SPATA2: variants seen among roughly 807,000 people sequenced by gnomAD.
SPATA2 encodes spermatogenesis-associated protein 2.
SPATA2 carries 8 observed loss-of-function variants against 35.4 expected under a neutral mutation model. The observed-to-expected ratio is 0.23, with a 90% CI of 0.13 to 0.41. SPATA2 has a LOEUF of 0.41. Ranked by LOEUF, SPATA2 falls within the 10% of genes least tolerant of loss-of-function variation. The probability of loss-of-function intolerance (pLI) is 1.00; values close to 1 mark genes in which losing one functional copy is unlikely to be tolerated. For synonymous variants in SPATA2, 293 were observed against 300.9 expected, an observed-to-expected ratio of 0.97 and a Z score of 0.27; for missense variants, 650 against 698.7, an observed-to-expected ratio of 0.93 and a Z score of 0.79.
Position 49,908,270 on chromosome 20 carries a change from A to T in SPATA2, c.221T>A (p.Leu74Ter). 1.2e-6 allele frequency: 2 copies of T among 1,614,174 alleles called. No homozygotes were observed. Among genetic ancestry groups the T allele is most frequent in the Non-Finnish European group, 1.7e-6 (2 of 1,180,000 alleles). Residue 74 changes from leucine (L) to a stop codon, truncating the protein, a stop_gained, in exon 2 of 3, where the codon TTG becomes TAG. Transcript: ENST00000289431. LOFTEE classifies it high-confidence loss of function. ...IQFYEVVESS[L>*]RSLSSSSLRA... ...CAGGCTAGAGGAGCTGAGCGAGCGC[A>T]AGGAGCTCTCCACCACCTCATAGAA...
rs1257016465 is a variant in SPATA2, at chr20:49,903,916, T to C, written c.*1703A>G. The stretch of plus-strand genomic sequence containing the variant: ...TCTACCAGATAGATATATATATATA[T>C]ATATATATATATATATATATATATA... On this transcript the variant is annotated 3_prime_UTR_variant, in exon 3 of 3. Transcript: ENST00000289431. The C allele has an allele frequency of 1.4e-3, 45 of 33,100 alleles. 2 individuals are homozygous for C. The highest frequency in any genetic ancestry group is 3.7e-3 in the African/African-American group (43 of 11,778). The allele number at this position is 33,100 out of a possible 1,614,324, so 2.1% of individuals were successfully genotyped here. A position where few individuals can be genotyped will look rare whatever the true frequency, so the allele number is the denominator to read the frequency against.
rs1210252816 is a variant in SPATA2 at position 49,906,341 on chromosome 20, T to C, written c.841A>G (p.Thr281Ala). ...SLSLRKEPVA[T>A]DVGDDLKDEI... is the part of the protein sequence containing the mutation. ...TCCTTGAGGTCGTCCCCCACATCCG[T>C]TGCCACAGGCTCCTTCCGAAGACTC... Residue 281 changes from threonine (T) to alanine (A), a missense_variant, in exon 3 of 3, where the codon ACG becomes GCG. Transcript: ENST00000289431. The surrounding 1 kb of genome is among the most constrained non-coding windows in gnomAD (Gnocchi z 8.2). 3.7e-6 allele frequency: 6 copies of C among 1,611,198 alleles called. No homozygotes were observed. Among genetic ancestry groups the C allele is most frequent in the Non-Finnish European group, 5.1e-6 (6 of 1,178,228 alleles).
chr20:49,910,724 C>G (rs2090178155), intron 1 of SPATA2, among the ~76,000 whole-genome samples: 1 of 152,188 alleles, frequency 6.6e-6, no homozygotes, highest in South Asian at 2.1e-4. Context: ...ATCCTCATCT[C>G]AAAGAGCCAG....
intron 2 of SPATA2, among the ~76,000 whole-genome samples, chr20:49,907,306 G>A (rs2090152933): frequency 1.3e-5 from 2 of 152,120 alleles, no homozygotes; most frequent in Non-Finnish European, 1.5e-5. Flanking sequence ...TGATCCACCC[G>A]CCTCGGCCTC....
chr20:49,906,359 G>T lies in SPATA2; in HGVS notation c.823C>A (p.Arg275=). Residue 275 remains arginine, a synonymous_variant, in exon 3 of 3, where the codon CGG becomes AGG. Coordinates refer to ENST00000289431, the MANE Select transcript of SPATA2 (RefSeq NM_006038.4). The surrounding 1 kb of genome is among the most constrained non-coding windows in gnomAD (Gnocchi z 8.2). ...ACATCCGTTGCCACAGGCTCCTTCCGAAGACTCAATGAGGCCTTCAGGGGT... is the reference window on the plus strand; with the variant it reads ...ACATCCGTTGCCACAGGCTCCTTCCTAAGACTCAATGAGGCCTTCAGGGGT... The part of the protein sequence containing the change: ...KPPLKASLSL[R]KEPVATDVGD... 1 of 1,613,590 alleles carries T rather than the reference G, an allele frequency of 6.2e-7. No individual in the cohort carries two copies. Among genetic ancestry groups the T allele is most frequent in the Non-Finnish European group, 8.5e-7 (1 of 1,179,742 alleles).
rs2090121165 is a variant in SPATA2 at position 49,903,854 on chromosome 20, A to G, written c.*1765T>C. 1 of 148,024 alleles carries G rather than the reference A, an allele frequency of 6.8e-6. No homozygotes were observed. Among genetic ancestry groups the G allele is most frequent in the African/African-American group, 2.5e-5 (1 of 39,700 alleles). The allele number at this position is 148,024 out of a possible 1,614,324, so 9.2% of individuals were successfully genotyped here. A position where few individuals can be genotyped will look rare whatever the true frequency, so the allele number is the denominator to read the frequency against. On this transcript the variant is annotated 3_prime_UTR_variant, in exon 3 of 3. Coordinates refer to ENST00000289431, the MANE Select transcript of SPATA2 (RefSeq NM_006038.4). Reference sequence around the variant, plus strand: ...GGTCTTAGTAATAAAGTTGGTTGAAATTCAGCTTAATATACACACTGTACA... The same window carrying G: ...GGTCTTAGTAATAAAGTTGGTTGAAGTTCAGCTTAATATACACACTGTACA...
Position 49,905,153 on chromosome 20 carries a change from G to C in SPATA2, c.*466C>G, listed in dbSNP as rs1055988687. 5.6e-5 allele frequency: 9 copies of C among 160,494 alleles called. No individual in the cohort carries two copies. The highest frequency in any genetic ancestry group is 5.4e-4 in the Admixed American group (9 of 16,702). 9.9% of individuals were successfully genotyped at this position (160,494 alleles called of 1,614,324 possible). On this transcript the variant is annotated 3_prime_UTR_variant, in exon 3 of 3. Coordinates refer to ENST00000289431, the MANE Select transcript of SPATA2 (RefSeq NM_006038.4). ...CTTTGGGAGAGGCCCCGTGTGGCAGGAGGGCTCATTTCACAAGCCAACAGG... is the reference window on the plus strand; with the variant it reads ...CTTTGGGAGAGGCCCCGTGTGGCAGCAGGGCTCATTTCACAAGCCAACAGG...
At position 49,903,904 on chromosome 20, in the gene SPATA2, T is replaced by TAGATAGATAGATAG. The variant is rs879570309; in HGVS notation, c.*1714_*1715insCTATCTATCTATCT. ...ATCTACATGTGATCTACCAGATAGA[T>TAGATAGATAGATAG]ATATATATATATATATATATATATA... On this transcript the variant is annotated 3_prime_UTR_variant, in exon 3 of 3. Coordinates refer to ENST00000289431, the MANE Select transcript of SPATA2 (RefSeq NM_006038.4). The TAGATAGATAGATAG allele has an allele frequency of 2.7e-4, 3 of 11,312 alleles. No homozygotes were observed. The highest frequency in any genetic ancestry group is 9.8e-4 in the Admixed American group (1 of 1,018). 0.7% of individuals were successfully genotyped at this position (11,312 alleles called of 1,614,324 possible). A position where few individuals can be genotyped will look rare whatever the true frequency, so the allele number is the denominator to read the frequency against.
chr20:49,905,818 G>A lies in SPATA2; in HGVS notation c.1364C>T (p.Thr455Met), dbSNP rs144537249. The A allele has an allele frequency of 9.4e-5, 151 of 1,614,218 alleles. 1 individual carries two copies. In the African/African-American group the frequency reaches 1.1e-3, roughly 12 times the overall value. ...HLHSKSKPST[T>M]PTSRCGFCNR... is the part of the protein sequence containing the mutation. ...GCAGAAGCCACAGCGGGAAGTGGGC[G>A]TGGTGGAGGGCTTGGATTTGGAGTG... The change falls in exon 3 of 3, where the codon ACG (threonine) becomes ATG (methionine). Residue 455 changes from threonine to methionine, a missense_variant. Transcript: ENST00000289431.
At chr20:49,911,740 C>T (rs1317840489) in intron 1 of SPATA2, among the ~76,000 whole-genome samples, 4 of 152,018 alleles carry the variant, frequency 2.6e-5, no homozygotes, top group Admixed American at 6.5e-5. Flanking sequence ...TCTGCATTCA[C>T]GATGCCATCA....
intron 1 of SPATA2, among the ~76,000 whole-genome samples, chr20:49,908,938 G>A (rs185519195): frequency 1.8e-3 from 270 of 152,320 alleles, no homozygotes; most frequent in Admixed American, 4.7e-3. Flanking sequence ...AGGCCAAGAG[G>A]CCGGGGAAGG....
rs1360612425 is a variant in SPATA2 at position 49,905,995 on chromosome 20, T to C, written c.1187A>G (p.Gln396Arg). 1.2e-6 allele frequency: 2 copies of C among 1,607,132 alleles called. No individual in the cohort carries two copies. Among genetic ancestry groups the C allele is most frequent in the Non-Finnish European group, 1.7e-6 (2 of 1,179,750 alleles). The stretch of plus-strand genomic sequence containing the variant: ...ACAGGTGAGCAGGCTGTCACAGCGC[T>C]GGCAGAGGGAGGAGCTGCAGGACAG... ...CGLSCSSSLCQRCDSLLTCPP... is the reference protein window; with the variant it reads ...CGLSCSSSLCRRCDSLLTCPP... Residue 396 changes from glutamine (Q) to arginine (R), a missense_variant, in exon 3 of 3, where the codon CAG becomes CGG. Physicochemically the swap from Gln to Arg is conservative, Grantham distance 43 (BLOSUM62 1). Coordinates refer to ENST00000289431, the MANE Select transcript of SPATA2 (RefSeq NM_006038.4).
intron 1 of SPATA2, among the ~76,000 whole-genome samples, chr20:49,908,817 A>G (rs1206344784): frequency 6.6e-6 from 1 of 152,148 alleles, no homozygotes; most frequent in Non-Finnish European, 1.5e-5. Context: ...TTCCTGAAAG[A>G]GAAATTCGGG....
Position 49,904,532 on chromosome 20 carries a change from A to T in SPATA2, c.*1087T>A, listed in dbSNP as rs2090128696. 6.6e-6 allele frequency: 1 copy of T among 152,644 alleles called. No homozygotes were observed. The highest frequency in any genetic ancestry group is 1.5e-5 in the Non-Finnish European group (1 of 68,068). The allele number at this position is 152,644 out of a possible 1,614,324, so 9.5% of individuals were successfully genotyped here. ...CGACAGGTGAGGTCCCTGAATTGTC[A>T]TAGGTTAGCAGTCTGCAGACACACA... On this transcript the variant is annotated 3_prime_UTR_variant, in exon 3 of 3. Coordinates refer to ENST00000289431, the MANE Select transcript of SPATA2 (RefSeq NM_006038.4).
At position 49,915,501 on chromosome 20, in the gene SPATA2, T is replaced by G. The variant is rs1270409593; in HGVS notation, c.-224A>C. On this transcript the variant is annotated 5_prime_UTR_variant, in exon 1 of 3. Coordinates refer to ENST00000289431, the MANE Select transcript of SPATA2 (RefSeq NM_006038.4). Reference sequence around the variant, plus strand: ...CCGGCTGCAGGGGTACTGAGACCAGTACCCGGGGGCCAGCAGCGACCCGGA... The same window carrying G: ...CCGGCTGCAGGGGTACTGAGACCAGGACCCGGGGGCCAGCAGCGACCCGGA... 2.6e-5 allele frequency: 4 copies of G among 152,138 alleles called. No individual in the cohort carries two copies. Among genetic ancestry groups the G allele is most frequent in the African/African-American group, 9.7e-5 (4 of 41,400 alleles). The allele number at this position is 152,138 out of a possible 1,614,324, so 9.4% of individuals were successfully genotyped here.
intron 1 of SPATA2, among the ~76,000 whole-genome samples, chr20:49,911,012 C>T (rs1211418017): frequency 6.6e-6 from 1 of 152,108 alleles, no homozygotes; most frequent in Non-Finnish European, 1.5e-5. Flanking sequence ...GCCAGGAGTT[C>T]GAGACCAGCC....
Position 49,906,269 on chromosome 20 carries a change from G to A in SPATA2, c.913C>T (p.Pro305Ser), listed in dbSNP as rs575589912. Residue 305 changes from proline to serine, a missense_variant, in exon 3 of 3, where the codon CCC (proline) becomes TCC (serine). Coordinates refer to ENST00000289431, the MANE Select transcript of SPATA2 (RefSeq NM_006038.4). This position sits in a 1 kb window ranked among gnomAD's most constrained non-coding sequence, Gnocchi z 8.2. The part of the protein sequence containing the change: ...SPSLLTMASS[P>S]HGSPDVLPPA... ...GGAAGCACATCCGGGCTGCCGTGGG[G>A]GGAGCTGGCCATGGTCAGCAGCGAA... is the stretch of plus-strand genomic sequence containing the variant. 6.4e-7 allele frequency: 1 copy of A among 1,572,080 alleles called. No individual in the cohort carries two copies. Among genetic ancestry groups the A allele is most frequent in the South Asian group, 1.2e-5 (1 of 83,240 alleles).
Position 49,905,669 on chromosome 20 carries a change from T to C in SPATA2, c.1513A>G (p.Asn505Asp), listed in dbSNP as rs1173555227. Residue 505 changes from asparagine to aspartate, a missense_variant, in exon 3 of 3, where the codon AAC becomes GAC. Asn to Asp is a conservative substitution (Grantham distance 23). Coordinates refer to ENST00000289431, the MANE Select transcript of SPATA2 (RefSeq NM_006038.4). ...KSELHKFMPN[N>D]QLNYKSTQLS... ...TGGGTGGACTTGTAGTTCAGCTGGT[T>C]GTTGGGCATGAACTTGTGCAGCTCA... The C allele has an allele frequency of 1.9e-6, 3 of 1,614,110 alleles. No homozygotes were observed. The Admixed American group carries it at 5.0e-5, about 27-fold the overall frequency.
Position 49,906,917 on chromosome 20 carries a change from C to G in SPATA2, c.337-72G>C. The G allele has an allele frequency of 1.3e-6, 2 of 1,512,616 alleles. No individual in the cohort carries two copies. The highest frequency in any genetic ancestry group is 1.8e-6 in the Non-Finnish European group (2 of 1,122,460). The allele number at this position is 1,512,616 out of a possible 1,614,324, so 93.7% of individuals were successfully genotyped here. A position where few individuals can be genotyped will look rare whatever the true frequency, so the allele number is the denominator to read the frequency against. On this transcript the variant is annotated intron_variant, in intron 2 of 2. Coordinates refer to ENST00000289431, the MANE Select transcript of SPATA2 (RefSeq NM_006038.4). The surrounding 1 kb of genome is among the most constrained non-coding windows in gnomAD (Gnocchi z 8.2). ...ACACAAGACAGAGACTATGTCAAAG[C>G]AAAGGATGTCCAGCTCTGAAGTGGG...
Sources: gnomAD v4.1 joint callset for allele counts (sites outside exome capture counted in the v4.1 genomes callset) on GRCh38, gnomAD v4.1.1 for gene constraint, Gnocchi (gnomAD v3.1) non-coding constraint, MANE v1.5 for transcripts, NCBI Gene and HGNC (gene_info 2026-07-23, HGNC 2026-07-21) for gene names.